Variants in CLASP1 observed in about 807,000 individuals in gnomAD.
CLASP1 encodes the protein CLIP-associating protein 1.
In CLASP1, 38 loss-of-function variants were observed where a neutral mutation model predicts 192.3. The ratio of observed to expected loss-of-function variants is 0.20; its 90% CI spans 0.15 to 0.26. CLASP1 has a LOEUF of 0.26. Ranked by LOEUF, CLASP1 falls within the 10% of genes least tolerant of loss-of-function variation. The probability of loss-of-function intolerance (pLI) is 1.00; values close to 1 mark genes in which losing one functional copy is unlikely to be tolerated. For missense variants in CLASP1, 1,433 were observed against 1,932.5 expected, an observed-to-expected ratio of 0.74 and a Z score of 4.85; for synonymous variants, 691 against 712.8, an observed-to-expected ratio of 0.97 and a Z score of 0.49.
chr2:121,523,882 A>G (rs2094511954), intron 6 of CLASP1, among the ~76,000 whole-genome samples: 1 of 152,202 alleles, frequency 6.6e-6, no homozygotes, highest in Non-Finnish European at 1.5e-5. Context: ...CTCGCTAAAT[A>G]TATGTGGAAG....
intron 7 of CLASP1, among the ~76,000 whole-genome samples, chr2:121,514,482 G>A (rs1389160858): frequency 6.6e-6 from 1 of 151,170 alleles, no homozygotes; most frequent in African/African-American, 2.4e-5. Context: ...CCAGAAGGCT[G>A]AGGTTCACAA....
intron 23 of CLASP1, among the ~76,000 whole-genome samples, chr2:121,416,077 T>C (rs1339077625): frequency 6.6e-6 from 1 of 152,218 alleles, no homozygotes. Flanking sequence ...CACATCACTA[T>C]CTTGATAGTT....
At chr2:121,529,704 T>G (rs532031623) in intron 3 of CLASP1, among the ~76,000 whole-genome samples, 3 of 152,312 alleles carry the variant, frequency 2.0e-5, no homozygotes, top group African/African-American at 7.2e-5. Flanking sequence ...AGTGAACATT[T>G]ACTATACATT....
At chr2:121,542,952 A>T (rs1305584132) in intron 2 of CLASP1, among the ~76,000 whole-genome samples, 1 of 152,236 alleles carries the variant, frequency 6.6e-6, no homozygotes, top group Non-Finnish European at 1.5e-5. Flanking sequence ...GACCAATCCA[A>T]TACAGCTTTC....
At chr2:121,631,158 CAAAAAAAAAA>C (rs869087192) in intron 1 of CLASP1, among the ~76,000 whole-genome samples, 19 of 65,160 alleles carry the variant, frequency 2.9e-4, no homozygotes, top group South Asian at 2.4e-3. Context: ...GACTCCAGCT[CAAAAAAAAAA>C]AAAAAAAAAA....
chr2:121,492,479 TCAA>T (rs1322579294), intron 8 of CLASP1, among the ~76,000 whole-genome samples: 1 of 151,048 alleles, frequency 6.6e-6, no homozygotes, highest in Non-Finnish European at 1.5e-5. Context: ...CATATACAGT[TCAA>T]CAACAAAAAG....
intron 2 of CLASP1, among the ~76,000 whole-genome samples, chr2:121,569,755 C>T (rs1401867968): frequency 1.3e-5 from 2 of 152,020 alleles, no homozygotes; most frequent in East Asian, 1.9e-4. Flanking sequence ...GCAGGAGAAT[C>T]GCTTGAACCC....
chr2:121,538,225 C>T (rs1436289127), intron 2 of CLASP1, among the ~76,000 whole-genome samples: 3 of 148,252 alleles, frequency 2.0e-5, no homozygotes, highest in Non-Finnish European at 1.5e-5. Context: ...ACCAGCCTGA[C>T]CAACATGGAG....
At chr2:121,534,806 C>G (rs771856511) in intron 2 of CLASP1, among the ~76,000 whole-genome samples, 1 of 152,148 alleles carries the variant, frequency 6.6e-6, no homozygotes, top group African/African-American at 2.4e-5. Context: ...GGATTACTGA[C>G]GTTGAGCCAT....
chr2:121,349,887 C>T (rs1027140842), intron 37 of CLASP1, among the ~76,000 whole-genome samples: 2 of 152,162 alleles, frequency 1.3e-5, no homozygotes, highest in African/African-American at 4.8e-5. Context: ...GCCTTGGGCT[C>T]AGGGAGCAGG....
chr2:121,482,407 C>T (rs762336679), intron 8 of CLASP1, among the ~76,000 whole-genome samples: 2 of 152,090 alleles, frequency 1.3e-5, no homozygotes, highest in Non-Finnish European at 2.9e-5. Flanking sequence ...AAACTGGAGG[C>T]CCAGTTTAAG....
intron 1 of CLASP1, among the ~76,000 whole-genome samples, chr2:121,611,687 A>C (rs1399778835): frequency 1.4e-5 from 2 of 141,302 alleles, no homozygotes; most frequent in Admixed American, 7.0e-5. Context: ...GAGGAGGAGG[A>C]GTTGGAGGAG....
chr2:121,616,649 T>TAC (rs1210664191), intron 1 of CLASP1, among the ~76,000 whole-genome samples: 1 of 152,188 alleles, frequency 6.6e-6, no homozygotes, highest in African/African-American at 2.4e-5. Flanking sequence ...TTTTCTGTAT[T>TAC]AGGATGATTT....
chr2:121,401,941 T>A (rs2076209616), intron 26 of CLASP1, 71 bp from the exon 28 acceptor site: 3 of 603,234 alleles, frequency 5.0e-6, no homozygotes, highest in South Asian at 2.9e-5. Context: ...AGTGAATTAA[T>A]ACCATTTTCA....
chr2:121,500,578 C>A (rs2093722191), intron 8 of CLASP1, among the ~76,000 whole-genome samples: 1 of 152,098 alleles, frequency 6.6e-6, no homozygotes, highest in Admixed American at 6.5e-5. Flanking sequence ...ATCACTACTG[C>A]AGTTTCTCTA....
At chr2:121,647,260 C>G (rs573036194) in intron 1 of CLASP1, among the ~76,000 whole-genome samples, 2 of 152,094 alleles carry the variant, frequency 1.3e-5, no homozygotes, top group African/African-American at 4.8e-5. Flanking sequence ...CCCAGCTACT[C>G]AGGCGGCTGA....
chr2:121,347,545 G>A (rs1445872905), intron 38 of CLASP1, among the ~76,000 whole-genome samples: 2 of 152,218 alleles, frequency 1.3e-5, no homozygotes, highest in Admixed American at 1.3e-4. Flanking sequence ...ATTTCCTTGT[G>A]AAAATGCCTT....
chr2:121,348,489 G>T (rs1197834321), intron 38 of CLASP1, 23 bp downstream of exon 39: 4 of 1,586,980 alleles, frequency 2.5e-6, no homozygotes, highest in Non-Finnish European at 3.4e-6. Context: ...CCGGGGGCAG[G>T]CCCCACCAAC....
chr2:121,595,763 T>C (rs1045006937), intron 2 of CLASP1, among the ~76,000 whole-genome samples: 1 of 152,224 alleles, frequency 6.6e-6, no homozygotes, highest in Non-Finnish European at 1.5e-5. Context: ...ACAGGCTAAC[T>C]GACTAGGCCA....
Sources: gnomAD v4.1 joint callset for allele counts (sites outside exome capture counted in the v4.1 genomes callset) on GRCh38, gnomAD v4.1.1 for gene constraint, MANE v1.5 for transcripts, NCBI Gene and HGNC (gene_info 2026-07-23, HGNC 2026-07-21) for gene names.